OGDH: variants seen among roughly 807,000 people sequenced by gnomAD.
The protein encoded by OGDH is oxoglutarate dehydrogenase, also known as 2-oxoglutarate dehydrogenase complex component E1.
In OGDH, 38 loss-of-function variants were observed where a neutral mutation model predicts 116.6. That is an observed-to-expected ratio of 0.33 (90% CI 0.25 to 0.43). The LOEUF is 0.43. Ranked by LOEUF, OGDH falls within the 20% of genes least tolerant of loss-of-function variation. The probability of loss-of-function intolerance (pLI) is 1.00; values close to 1 mark genes in which losing one functional copy is unlikely to be tolerated. For missense variants in OGDH, 825 were observed against 1,357.2 expected, an observed-to-expected ratio of 0.61 and a Z score of 6.16; for synonymous variants, 488 against 533.3, an observed-to-expected ratio of 0.92 and a Z score of 1.17.
intron 2 of OGDH, among the ~76,000 whole-genome samples, chr7:44,625,991 G>T (rs952189019): frequency 7.2e-5 from 11 of 151,918 alleles, no homozygotes; most frequent in South Asian, 2.1e-4. Context: ...AAAAGAAGGT[G>T]GGGGGCGGGT....
chr7:44,621,307 C>T (rs528300923), intron 1 of OGDH, among the ~76,000 whole-genome samples: 1 of 152,184 alleles, frequency 6.6e-6, no homozygotes, highest in Non-Finnish European at 1.5e-5. Context: ...CTCCTGGCCT[C>T]AAACAATCCT....
intron 6 of OGDH, 73 bp downstream of exon 6, chr7:44,674,014 C>G: frequency 6.3e-7 from 1 of 1,574,994 alleles, no homozygotes; most frequent in East Asian, 2.3e-5. Context: ...TTGATCGGGC[C>G]TGTGTGCAGC....
chr7:44,679,939 G>A (rs1052424494), intron 9 of OGDH, among the ~76,000 whole-genome samples: 1 of 152,154 alleles, frequency 6.6e-6, no homozygotes. Context: ...GGCCAGGCAC[G>A]ATGACTCATG....
chr7:44,695,471 C>A (rs921655007), intron 12 of OGDH, among the ~76,000 whole-genome samples: 5 of 152,058 alleles, frequency 3.3e-5, no homozygotes, highest in Non-Finnish European at 5.9e-5. Flanking sequence ...CTTTGGGAGA[C>A]TGAGGCAGGT....
chr7:44,691,127 A>G (rs1321422364), intron 10 of OGDH, among the ~76,000 whole-genome samples: 10 of 152,208 alleles, frequency 6.6e-5, no homozygotes, highest in Non-Finnish European at 1.3e-4. Flanking sequence ...AAGGAGAGGA[A>G]GTAACTTCTT....
intron 5 of OGDH, 46 bp downstream of exon 5, chr7:44,666,897 G>A (rs778202336): frequency 3.9e-5 from 46 of 1,177,706 alleles, no homozygotes; most frequent in Non-Finnish European, 5.6e-5. Flanking sequence ...TTAAGAACTT[G>A]TATTGGCAGG....
At chr7:44,633,549 C>G (rs557474487) in intron 2 of OGDH, among the ~76,000 whole-genome samples, 8 of 152,314 alleles carry the variant, frequency 5.3e-5, no homozygotes, top group African/African-American at 1.9e-4. Context: ...GGCTCCCCTC[C>G]CCATCCAAGA....
At chr7:44,613,931 C>T (rs1364055307) in intron 1 of OGDH, among the ~76,000 whole-genome samples, 1 of 151,784 alleles carries the variant, frequency 6.6e-6, no homozygotes, top group African/African-American at 2.4e-5. Flanking sequence ...CTCAGCCTCC[C>T]GAGTAGCTGG....
intron 4 of OGDH, among the ~76,000 whole-genome samples, chr7:44,662,596 G>A (rs1786996427): frequency 6.6e-6 from 1 of 151,808 alleles, no homozygotes; most frequent in Non-Finnish European, 1.5e-5. Flanking sequence ...CTGAGTAGCT[G>A]GGATTACAGG....
At chr7:44,693,719 A>C (rs916889797) in intron 10 of OGDH, 106 bp from the exon 11 acceptor site, 12 of 952,712 alleles carry the variant, frequency 1.3e-5, no homozygotes, top group African/African-American at 8.3e-5. Context: ...ACGTACTCAG[A>C]GTAGCCAGAT....
intron 19 of OGDH, among the ~76,000 whole-genome samples, chr7:44,701,101 G>GT (rs1055267791): frequency 3.3e-5 from 5 of 152,344 alleles, no homozygotes; most frequent in African/African-American, 1.2e-4. Context: ...GGGGGTGGGA[G>GT]TATGGGGTGG....
At chr7:44,698,151 C>G in intron 17 of OGDH, 41 bp from the exon 18 acceptor site, 1 of 1,608,086 alleles carries the variant, frequency 6.2e-7, no homozygotes, top group Non-Finnish European at 8.5e-7. Context: ...AATGTCAGTA[C>G]GCAAGAGCTC....
At position 44,693,811 on chromosome 7, in the gene OGDH, C is replaced by T; in HGVS notation, c.1336-14C>T. ...TGCCAGGTGCCCTCTTGCTAGGCTA[C>T]ATGTTCCTTGCAGATCGGCTTCACC... On this transcript the variant is annotated splice_polypyrimidine_tract_variant and intron_variant, in intron 10 of 22. Transcript: ENST00000222673. 6.4e-7 allele frequency: 1 copy of T among 1,569,112 alleles called. No individual in the cohort carries two copies. Among genetic ancestry groups the T allele is most frequent in the Non-Finnish European group, 8.7e-7 (1 of 1,150,440 alleles).
chr7:44,670,656 T>C (rs1035056539), intron 5 of OGDH, among the ~76,000 whole-genome samples: 3 of 152,246 alleles, frequency 2.0e-5, no homozygotes, highest in South Asian at 2.1e-4. Context: ...CACCCTCTTC[T>C]TGTATTTTTT....
intron 5 of OGDH, among the ~76,000 whole-genome samples, chr7:44,672,630 T>C (rs1165386615): frequency 1.3e-5 from 2 of 150,990 alleles, no homozygotes; most frequent in Non-Finnish European, 1.5e-5. Context: ...GAGAGGGATT[T>C]CTTTTTGTTT....
In OGDH at chr7:44,624,310, T is replaced by TTTTTCAGG; in HGVS notation, c.-27-7_-27-6insTTTTCAGG. ...TTTCTTGTTTTTTTTTTTTTTTTTTTGTACAGGCAGTTGTGAAAAACTTCA... is the reference window on the plus strand; with the variant it reads ...TTTCTTGTTTTTTTTTTTTTTTTTTTTTTTCAGGGTACAGGCAGTTGTGAAAAACTTCA... On this transcript the variant is annotated splice_region_variant and splice_polypyrimidine_tract_variant and intron_variant, in intron 1 of 22. Transcript: ENST00000222673. 6 of 1,102,340 alleles carry TTTTTCAGG rather than the reference T, an allele frequency of 5.4e-6. No individual in the cohort carries two copies. Among genetic ancestry groups the TTTTTCAGG allele is most frequent in the Admixed American group, 5.1e-5 (2 of 39,024 alleles). 68.3% of individuals were successfully genotyped at this position (1,102,340 alleles called of 1,614,324 possible). A position where few individuals can be genotyped will look rare whatever the true frequency, so the allele number is the denominator to read the frequency against.
At chr7:44,674,992 C>T (rs1275423121) in intron 7 of OGDH, among the ~76,000 whole-genome samples, 186 bp from the exon 8 acceptor site, 2 of 151,828 alleles carry the variant, frequency 1.3e-5, no homozygotes, top group Non-Finnish European at 2.9e-5. Flanking sequence ...CCACTGTGGC[C>T]TTGATTGCCC....
intron 2 of OGDH, among the ~76,000 whole-genome samples, chr7:44,639,837 A>C (rs931825766): frequency 3.3e-5 from 5 of 152,248 alleles, no homozygotes; most frequent in African/African-American, 1.2e-4. Context: ...GAAAGGCTGC[A>C]GAAGTTGCAT....
chr7:44,625,185 C>T (rs1199642192), intron 2 of OGDH, among the ~76,000 whole-genome samples: 4 of 152,178 alleles, frequency 2.6e-5, no homozygotes, highest in African/African-American at 9.6e-5. Flanking sequence ...AGTGCAGTGG[C>T]GGGATCTCGG....
Sources: allele counts gnomAD v4.1 joint callset (sites outside exome capture counted in the v4.1 genomes callset), GRCh38; gene constraint gnomAD v4.1.1; transcripts MANE v1.5; gene names NCBI Gene and HGNC (gene_info 2026-07-23, HGNC 2026-07-21).